NUP210: variants seen among roughly 807,000 people sequenced by gnomAD.
NUP210 encodes the protein nucleoporin 210, also known as nuclear pore membrane glycoprotein 210.
Under a neutral mutation model 196.0 loss-of-function variants are expected in NUP210, and 151 were observed. The ratio of observed to expected loss-of-function variants is 0.77; its 90% CI spans 0.67 to 0.88. The LOEUF (loss-of-function observed/expected upper bound fraction) is 0.88. Ranked by LOEUF, NUP210 falls within the 40% of genes least tolerant of loss-of-function variation. The pLI is 0.00. For missense variants in NUP210, 2,314 were observed against 2,493.7 expected, an observed-to-expected ratio of 0.93 and a Z score of 1.53; for synonymous variants, 1,070 against 1,052.7, an observed-to-expected ratio of 1.02 and a Z score of -0.32.
rs772821025 is a variant in NUP210 at position 13,335,523 on chromosome 3, C to T, written c.3774G>A (p.Lys1258=). Reference sequence around the variant, plus strand: ...GCTGCCCCGATGTGGGGTCCACAGCCTTGACCACCACCCTCAGCCCGGTCC... The same window carrying T: ...GCTGCCCCGATGTGGGGTCCACAGCTTTGACCACCACCCTCAGCCCGGTCC... The part of the protein sequence containing the change: ...KGRTGLRVVV[K]AVDPTSGQLY... Residue 1258 remains lysine, a synonymous_variant, in exon 28 of 40, where the codon AAG becomes AAA. Transcript: ENST00000254508. 4 of 1,614,128 alleles carry T rather than the reference C, an allele frequency of 2.5e-6. No homozygotes were observed. Among genetic ancestry groups the T allele is most frequent in the Non-Finnish European group, 3.4e-6 (4 of 1,180,038 alleles).
rs200312435 is a variant in NUP210, at chr3:13,388,291, C to T, written c.684+12G>A. ...CAGGAAGCCCACTGACACCCCAGCG[C>T]CCCAGGCCCACCTTGTAGACAGCCT... On this transcript the variant is annotated intron_variant, in intron 5 of 39. Transcript: ENST00000254508. 2.0e-5 allele frequency: 32 copies of T among 1,592,878 alleles called. No individual in the cohort carries two copies. In the African/African-American group the frequency reaches 3.6e-4, roughly 18 times the overall value.
chr3:13,389,985 C>T (rs1243822097), intron 4 of NUP210, among the ~76,000 whole-genome samples: 1 of 152,132 alleles, frequency 6.6e-6, no homozygotes, highest in Non-Finnish European at 1.5e-5. Context: ...AGTCAAAGCC[C>T]GGGAGACAGT....
At position 13,379,620 on chromosome 3, in the gene NUP210, T is replaced by G; in HGVS notation, c.919A>C (p.Thr307Pro). The G allele has an allele frequency of 6.2e-7, 1 of 1,614,058 alleles. No homozygotes were observed. The highest frequency in any genetic ancestry group is 1.1e-5 in the South Asian group (1 of 91,062). ...AGCTGCAGTGCAGTGACCATCGACG[T>G]GTCCTGGGCCAAGACAGCCACCGGC... The part of the protein sequence containing the change: ...ARPVAVLAQD[T>P]SMVTALQLGQ... The change falls in exon 7 of 40, where the codon ACG becomes CCG. Residue 307 changes from threonine to proline, a missense_variant. Physicochemically the swap from Thr to Pro is conservative, Grantham distance 38 (BLOSUM62 -1). Transcript: ENST00000254508. The surrounding 1 kb of genome is among the most constrained non-coding windows in gnomAD (Gnocchi z 4.2).
At chr3:13,352,018 T>A in intron 19 of NUP210, 38 bp from the exon 20 acceptor site, 1 of 1,605,504 alleles carries the variant, frequency 6.2e-7, no homozygotes, top group Non-Finnish European at 8.5e-7. Flanking sequence ...GGGCCGCATG[T>A]GGGAGGGCGA....
intron 25 of NUP210, among the ~76,000 whole-genome samples, chr3:13,338,421 T>C: frequency 6.6e-6 from 1 of 152,230 alleles, no homozygotes; most frequent in East Asian, 1.9e-4. Flanking sequence ...TCTCCTGGCT[T>C]CTTCCTAGTG....
intron 20 of NUP210, chr3:13,345,052 T>G (rs1165391090): frequency 1.0e-6 from 1 of 985,284 alleles, no homozygotes; most frequent in Admixed American, 6.1e-5. Context: ...AGCACTCACA[T>G]GCCCTCGGGA....
At chr3:13,352,049 G>C in intron 19 of NUP210, 31 bp downstream of exon 19, 1 of 1,608,460 alleles carries the variant, frequency 6.2e-7, no homozygotes, top group Non-Finnish European at 8.5e-7. Context: ...CGTGGGTCTT[G>C]CCCAGGAAGG....
intron 29 of NUP210, 130 bp downstream of exon 29, chr3:13,332,163 A>G: frequency 1.4e-6 from 1 of 710,842 alleles, no homozygotes; most frequent in Non-Finnish European, 2.6e-6. Context: ...CAGAGGCCTC[A>G]CCCATTCCAA....
chr3:13,325,849 C>A lies in NUP210; in HGVS notation c.4590G>T (p.Val1530=). 1 of 1,613,974 alleles carries A rather than the reference C, an allele frequency of 6.2e-7. No individual in the cohort carries two copies. Among genetic ancestry groups the A allele is most frequent in the South Asian group, 1.1e-5 (1 of 91,092 alleles). The change falls in exon 33 of 40, where the codon GTG becomes GTT. Residue 1530 remains valine (V), a synonymous_variant. Coordinates refer to ENST00000254508, the MANE Select transcript of NUP210 (RefSeq NM_024923.4). ...CCTCATAGTAAACCGTCACGGATCCCACGGCCCGGGCCACAGCCACACCCG... is the reference window on the plus strand; with the variant it reads ...CCTCATAGTAAACCGTCACGGATCCAACGGCCCGGGCCACAGCCACACCCG... ...PKTGVAVARA[V]GSVTVYYEVA...
At chr3:13,367,535 T>C (rs1045901184) in intron 13 of NUP210, among the ~76,000 whole-genome samples, 3 of 152,224 alleles carry the variant, frequency 2.0e-5, no homozygotes, top group African/African-American at 4.8e-5. Flanking sequence ...CATCAACAAA[T>C]AGAATATTAT....
chr3:13,340,731 G>C lies in NUP210; in HGVS notation c.3229-433C>G, dbSNP rs558870880. Among the ~76,000 whole-genome samples the C allele has an allele frequency of 6.6e-6, 1 of 152,204 alleles. No individual in the cohort carries two copies. Among genetic ancestry groups the C allele is most frequent in the Non-Finnish European group, 1.5e-5 (1 of 67,980 alleles). ...GAGCCAGGGGTGGCCCCACAGGACAGCCCTGCCGATATGGGAGCACCCAGA... is the reference window on the plus strand; with the variant it reads ...GAGCCAGGGGTGGCCCCACAGGACACCCCTGCCGATATGGGAGCACCCAGA... On this transcript the variant is annotated intron_variant, in intron 23 of 39. Transcript: ENST00000254508. The surrounding 1 kb of genome is among the most constrained non-coding windows in gnomAD (Gnocchi z 4.0).
At chr3:13,405,838 T>A (rs1699986553) in intron 1 of NUP210, among the ~76,000 whole-genome samples, 1 of 152,138 alleles carries the variant, frequency 6.6e-6, no homozygotes, top group Non-Finnish European at 1.5e-5. Flanking sequence ...TGACTCCAGA[T>A]CAGATACCTC....
chr3:13,401,922 C>A (rs2124950029), intron 1 of NUP210, among the ~76,000 whole-genome samples: 1 of 152,018 alleles, frequency 6.6e-6, no homozygotes, highest in East Asian at 1.9e-4. Context: ...CTGCCAGGTG[C>A]AGTGGCTCAT....
At chr3:13,391,823 C>G (rs144635960) in intron 3 of NUP210, among the ~76,000 whole-genome samples, 25 of 151,724 alleles carry the variant, frequency 1.6e-4, no homozygotes, top group African/African-American at 6.0e-4. Flanking sequence ...CTCCTGAGGT[C>G]GTGGGGTAGG....
At chr3:13,343,342 G>GGGGGGGGGGGGGGGGGGGGGGGGGGGCC in intron 20 of NUP210, 39 bp from the exon 21 acceptor site, 3 of 655,990 alleles carry the variant, frequency 4.6e-6, no homozygotes, top group Non-Finnish European at 7.5e-6. Context: ...TGGGTGGTGG[G>GGGGGGGGGGGGGGGGGGGGGGGGGGGCC]TTACGCAGCT....
At chr3:13,359,953 T>TTG (rs1013300552) in intron 15 of NUP210, among the ~76,000 whole-genome samples, 2 of 152,236 alleles carry the variant, frequency 1.3e-5, no homozygotes, top group Non-Finnish European at 2.9e-5. Context: ...GACATTGGAC[T>TTG]TGTGACCCCC....
intron 14 of NUP210, among the ~76,000 whole-genome samples, chr3:13,361,803 C>T (rs1576383536): frequency 6.6e-6 from 1 of 152,200 alleles, no homozygotes; most frequent in African/African-American, 2.4e-5. Flanking sequence ...AGCTTCTGTC[C>T]TGGGACTTGG....
At chr3:13,395,850 C>T (rs1002286624) in intron 3 of NUP210, among the ~76,000 whole-genome samples, 2 of 152,200 alleles carry the variant, frequency 1.3e-5, no homozygotes, top group African/African-American at 4.8e-5. Flanking sequence ...CTGCCAGGTA[C>T]TTCTTTCCCT....
intron 14 of NUP210, among the ~76,000 whole-genome samples, chr3:13,365,568 GT>G (rs1234409229): frequency 1.3e-5 from 2 of 152,222 alleles, no homozygotes; most frequent in African/African-American, 4.8e-5. Flanking sequence ...CTAGGGCTCT[GT>G]GGGGACCCTG....
Sources: gnomAD v4.1 joint callset for allele counts (sites outside exome capture counted in the v4.1 genomes callset) on GRCh38, gnomAD v4.1.1 for gene constraint, Gnocchi (gnomAD v3.1) non-coding constraint, MANE v1.5 for transcripts, NCBI Gene and HGNC (gene_info 2026-07-23, HGNC 2026-07-21) for gene names.